AFF4: variants seen among roughly 807,000 people sequenced by gnomAD.
The protein encoded by AFF4 is AF4/FMR2 family member 4.
A neutral mutation model predicts 124.8 loss-of-function variants in AFF4; 13 were observed. The observed-to-expected ratio is 0.10, with a 90% CI of 0.07 to 0.17. The LOEUF (loss-of-function observed/expected upper bound fraction) is 0.17. Ranked by LOEUF, AFF4 falls within the 10% of genes least tolerant of loss-of-function variation. The probability of loss-of-function intolerance (pLI) is 1.00; values close to 1 mark genes in which losing one functional copy is unlikely to be tolerated. For synonymous variants in AFF4, 477 were observed against 496.1 expected, an observed-to-expected ratio of 0.96 and a Z score of 0.51; for missense variants, 1,092 against 1,403.8, an observed-to-expected ratio of 0.78 and a Z score of 3.55.
rs1356150493 is a variant in AFF4, at chr5:132,892,040, G to A, written c.2637+124C>T. ...TTATCAGGATTATTACATATAGAGG[G>A]TAAAAGACATAGGCCTATATATTTA... On this transcript the variant is annotated intron_variant, in intron 13 of 20. Coordinates refer to ENST00000265343, the MANE Select transcript of AFF4 (RefSeq NM_014423.4). 3 of 1,391,864 alleles carry A rather than the reference G, an allele frequency of 2.2e-6. No homozygotes were observed. The East Asian group carries it at 6.9e-5, about 32-fold the overall frequency. 86.2% of individuals were successfully genotyped at this position (1,391,864 alleles called of 1,614,324 possible). A position where few individuals can be genotyped will look rare whatever the true frequency, so the allele number is the denominator to read the frequency against.
At chr5:132,926,354 AGTTT>A in intron 5 of AFF4, 1 of 263,536 alleles carries the variant, frequency 3.8e-6, no homozygotes, top group Non-Finnish European at 7.9e-6. Context: ...GTTAAGTATA[AGTTT>A]AAAAAAAAGT....
chr5:132,912,059 A>G (rs1760802671), intron 5 of AFF4, among the ~76,000 whole-genome samples: 1 of 151,832 alleles, frequency 6.6e-6, no homozygotes, highest in African/African-American at 2.4e-5. Context: ...TCCTCCAGAT[A>G]ATAGTAAAAT....
chr5:132,933,907 A>C (rs1761358722), intron 3 of AFF4, among the ~76,000 whole-genome samples: 1 of 152,248 alleles, frequency 6.6e-6, no homozygotes, highest in Non-Finnish European at 1.5e-5. Context: ...CTGACTTGTC[A>C]TCTAAGTATT....
Position 132,880,149 on chromosome 5 carries a change from C to T in AFF4, c.*910G>A, listed in dbSNP as rs910684209. 7.5e-6 allele frequency: 3 copies of T among 398,548 alleles called. No homozygotes were observed. The highest frequency in any genetic ancestry group is 1.3e-5 in the Non-Finnish European group (3 of 225,866). The allele number at this position is 398,548 out of a possible 1,614,324, so 24.7% of individuals were successfully genotyped here. On this transcript the variant is annotated 3_prime_UTR_variant, in exon 21 of 21. Coordinates refer to ENST00000265343, the MANE Select transcript of AFF4 (RefSeq NM_014423.4). ...TCAGGAGTTGGATCATCCTTTTTTC[C>T]ACAGTAACTTATTCTGTTTCGATTA...
intron 5 of AFF4, among the ~76,000 whole-genome samples, chr5:132,916,110 C>CTGGATT (rs1308644840): frequency 2.0e-5 from 3 of 151,598 alleles, no homozygotes; most frequent in Non-Finnish European, 4.4e-5. Context: ...TGGTGGCGGG[C>CTGGATT]ACCTGTAATC....
chr5:132,893,446 C>A (rs1760312120), intron 11 of AFF4, among the ~76,000 whole-genome samples: 1 of 152,134 alleles, frequency 6.6e-6, no homozygotes, highest in African/African-American at 2.4e-5. Flanking sequence ...TAGAAGTGCA[C>A]AATTCCATAA....
intron 1 of AFF4, among the ~76,000 whole-genome samples, chr5:132,954,159 G>A (rs1047170434): frequency 2.0e-5 from 3 of 152,188 alleles, no homozygotes; most frequent in Non-Finnish European, 4.4e-5. Flanking sequence ...CAGTTTCACA[G>A]ACGACAATTT....
chr5:132,927,898 T>C (rs886831635), intron 4 of AFF4, among the ~76,000 whole-genome samples: 1 of 152,194 alleles, frequency 6.6e-6, no homozygotes, highest in African/African-American at 2.4e-5. Context: ...TTCTGCCTAA[T>C]CTTAATGCCA....
At chr5:132,892,689 T>C (rs970234368) in intron 12 of AFF4, among the ~76,000 whole-genome samples, 5 of 152,142 alleles carry the variant, frequency 3.3e-5, no homozygotes, top group African/African-American at 1.2e-4. Context: ...GAATGGTGAA[T>C]GAAGAGATTA....
chr5:132,880,720 T>C lies in AFF4; in HGVS notation c.*339A>G. Reference sequence around the variant, plus strand: ...AGGCAGAAATAACTAAGTCTTAAACTAGCCCCAATCTGGGAACTTAAAAAA... The same window carrying C: ...AGGCAGAAATAACTAAGTCTTAAACCAGCCCCAATCTGGGAACTTAAAAAA... On this transcript the variant is annotated 3_prime_UTR_variant, in exon 21 of 21. Transcript: ENST00000265343. 1 of 291,472 alleles carries C rather than the reference T, an allele frequency of 3.4e-6. No homozygotes were observed. Among genetic ancestry groups the C allele is most frequent in the Non-Finnish European group, 6.3e-6 (1 of 158,732 alleles). 18.1% of individuals were successfully genotyped at this position (291,472 alleles called of 1,614,324 possible). A position where few individuals can be genotyped will look rare whatever the true frequency, so the allele number is the denominator to read the frequency against.
intron 4 of AFF4, 73 bp downstream of exon 4, chr5:132,932,105 T>TA: frequency 9.4e-7 from 1 of 1,062,218 alleles, no homozygotes; most frequent in South Asian, 1.6e-5. Flanking sequence ...GAAATACAGG[T>TA]AGAAAGAGGG....
intron 1 of AFF4, among the ~76,000 whole-genome samples, chr5:132,960,010 C>T (rs1762047840): frequency 6.6e-6 from 1 of 152,066 alleles, no homozygotes. Context: ...CAGCCTCAGC[C>T]TCCCAAAGTG....
chr5:132,895,503 C>A lies in AFF4; in HGVS notation c.2307+820G>T, dbSNP rs549489676. Among the ~76,000 whole-genome samples the A allele has an allele frequency of 3.0e-4, 45 of 152,296 alleles. 1 individual carries two copies. The South Asian group carries it at 8.1e-3, about 27-fold the overall frequency. On this transcript the variant is annotated intron_variant, in intron 11 of 20. Transcript: ENST00000265343. ...TTACTTGGTAAGGCCATTCTGGTAC[C>A]TATCTGTTCACCTACTCAAGCTTAA...
rs1280781650 is a variant in AFF4 at position 132,892,278 on chromosome 5, T to A, written c.2523A>T (p.Leu841Phe). ...CCTTGTTGCTGTTACTGCTTGACTT[T>A]AAGGAAGAAGACTGACTAATAGTCC... ...RKRTISQSSS[L>F]KSSSNSNKET... Residue 841 changes from leucine to phenylalanine, a missense_variant, in exon 13 of 21, where the codon TTA becomes TTT. This residue lies in a region of AFF4 where 293 missense variants were observed against 280.2 expected (regional missense o/e 1.05). Transcript: ENST00000265343. 5 of 1,614,016 alleles carry A rather than the reference T, an allele frequency of 3.1e-6. No homozygotes were observed. The African/African-American group carries it at 6.7e-5, about 22-fold the overall frequency.
chr5:132,898,107 T>C (rs1049568268), intron 10 of AFF4, 123 bp downstream of exon 10: 1 of 1,261,130 alleles, frequency 7.9e-7, no homozygotes, highest in Non-Finnish European at 1.1e-6. Flanking sequence ...ACAGTACAAT[T>C]TCTTTTTGTC....
intron 6 of AFF4, 75 bp downstream of exon 6, chr5:132,904,293 A>G (rs1760621284): frequency 7.8e-7 from 1 of 1,275,702 alleles, no homozygotes. Flanking sequence ...CTAAAGTTAT[A>G]TATGGTGTGA....
Position 132,896,867 on chromosome 5 carries a change from G to C in AFF4, c.1763C>G (p.Thr588Ser). Residue 588 changes from threonine to serine, a missense_variant, in exon 11 of 21, where the codon ACC (threonine) becomes AGC (serine). Coordinates refer to ENST00000265343, the MANE Select transcript of AFF4 (RefSeq NM_014423.4). Reference protein sequence around the residue: ...PRGGLKIESETPVDLASSMPS... With the variant: ...PRGGLKIESESPVDLASSMPS... The stretch of plus-strand genomic sequence containing the variant: ...CATGCTGCTAGCCAAGTCTACAGGG[G>C]TTTCACTTTCTATCTTCAGGCCTCC... 6.2e-7 allele frequency: 1 copy of C among 1,614,060 alleles called. No homozygotes were observed. Among genetic ancestry groups the C allele is most frequent in the Non-Finnish European group, 8.5e-7 (1 of 1,179,998 alleles).
At position 132,887,893 on chromosome 5, in the gene AFF4, T is replaced by C; in HGVS notation, c.2886A>G (p.Glu962=). Residue 962 remains glutamate (E), a synonymous_variant, in exon 16 of 21, where the codon GAA becomes GAG. Transcript: ENST00000265343. ...CGNALEKNAQ[E]SKSPFPMYSE... is the part of the protein sequence containing the mutation. ...AATACATAGGGAATGGGGATTTGGA[T>C]TCCTGAGCATTCTTCTCTAATGCAT... 6.2e-7 allele frequency: 1 copy of C among 1,613,938 alleles called. No individual in the cohort carries two copies. The highest frequency in any genetic ancestry group is 8.5e-7 in the Non-Finnish European group (1 of 1,179,956).
chr5:132,914,815 A>T (rs1760870959), intron 5 of AFF4, among the ~76,000 whole-genome samples: 1 of 152,202 alleles, frequency 6.6e-6, no homozygotes, highest in Non-Finnish European at 1.5e-5. Flanking sequence ...AGAATATGTT[A>T]TATGTATAAG....
Sources: gnomAD v4.1 joint callset for allele counts (sites outside exome capture counted in the v4.1 genomes callset) on GRCh38, gnomAD v4.1.1 for gene constraint, gnomAD v4.1.1 regional missense constraint, MANE v1.5 for transcripts, NCBI Gene and HGNC (gene_info 2026-07-23, HGNC 2026-07-21) for gene names.